STK3: variants seen among roughly 807,000 people sequenced by gnomAD.
The protein encoded by STK3 is serine/threonine-protein kinase 3.
A neutral mutation model predicts 58.0 loss-of-function variants in STK3; 41 were observed. The ratio of observed to expected loss-of-function variants is 0.71; its 90% CI spans 0.55 to 0.92. The LOEUF is 0.92. Ranked by LOEUF, STK3 falls within the 40% of genes least tolerant of loss-of-function variation. STK3 has a pLI of 0.00. For missense variants in STK3, 479 were observed against 602.7 expected (o/e 0.79, Z 2.15); for synonymous variants, 170 against 191.0 (o/e 0.89, Z 0.91).
At chr8:98,580,407 CAA>C (rs1405352718) in intron 7 of STK3, among the ~76,000 whole-genome samples, 1 of 152,016 alleles carries the variant, frequency 6.6e-6, no homozygotes, top group Non-Finnish European at 1.5e-5. Flanking sequence ...ATCATTCTGA[CAA>C]AGAGAAGGAA....
intron 8 of STK3, among the ~76,000 whole-genome samples, chr8:98,564,791 A>G (rs1379439469): frequency 6.6e-6 from 1 of 152,150 alleles, no homozygotes; most frequent in Non-Finnish European, 1.5e-5. Flanking sequence ...CTAAGGAGAC[A>G]TGATGACTAA....
At chr8:98,615,812 GA>G (rs1167088214) in intron 6 of STK3, among the ~76,000 whole-genome samples, 1 of 37,410 alleles carries the variant, frequency 2.7e-5, no homozygotes, top group African/African-American at 1.2e-4. Context: ...GGGACTATGT[GA>G]AAAGACCAAA....
chr8:98,745,751 T>C (rs965995466), intron 4 of STK3, among the ~76,000 whole-genome samples: 3 of 151,956 alleles, frequency 2.0e-5, no homozygotes, highest in Admixed American at 1.3e-4. Context: ...AGCCCTATAA[T>C]GCCAAAGGAC....
At chr8:98,917,443 C>A (rs1839384952) in intron 1 of STK3, among the ~76,000 whole-genome samples, 1 of 152,136 alleles carries the variant, frequency 6.6e-6, no homozygotes, top group Non-Finnish European at 1.5e-5. Context: ...CCCAAAAATT[C>A]ATATCTTTAA....
chr8:98,834,711 A>G (rs1467787488), intron 3 of STK3, among the ~76,000 whole-genome samples: 1 of 152,216 alleles, frequency 6.6e-6, no homozygotes, highest in African/African-American at 2.4e-5. Flanking sequence ...AATTCCATTC[A>G]TGAGGGTAGC....
chr8:98,681,277 G>GT (rs1266260574), intron 6 of STK3, among the ~76,000 whole-genome samples: 3 of 151,698 alleles, frequency 2.0e-5, no homozygotes, highest in Non-Finnish European at 4.4e-5. Flanking sequence ...GATTACAGGC[G>GT]TGAGCCACTG....
intron 1 of STK3, among the ~76,000 whole-genome samples, chr8:98,909,504 C>A (rs947236490): frequency 6.6e-6 from 1 of 152,222 alleles, no homozygotes; most frequent in African/African-American, 2.4e-5. Context: ...ACTACCACCT[C>A]CTTATCTACC....
At chr8:98,674,720 A>G (rs1206932908) in intron 6 of STK3, among the ~76,000 whole-genome samples, 13 of 152,222 alleles carry the variant, frequency 8.5e-5, no homozygotes, top group Admixed American at 7.8e-4. Flanking sequence ...TTCTACTAAT[A>G]TCTCAGAAGA....
chr8:98,487,951 C>T (rs1160146667), intron 10 of STK3, among the ~76,000 whole-genome samples: 2 of 152,194 alleles, frequency 1.3e-5, no homozygotes, highest in Non-Finnish European at 2.9e-5. Flanking sequence ...TTCATGCCTT[C>T]CATTCAACGT....
At chr8:98,394,469 T>G (rs1056905128) in intron 3 of STK3, among the ~76,000 whole-genome samples, 10 of 151,994 alleles carry the variant, frequency 6.6e-5, no homozygotes, top group Non-Finnish European at 1.2e-4. Flanking sequence ...TCCCGTAAGT[T>G]CAGGAATTTG....
At chr8:98,604,943 C>A (rs1816656585) in intron 6 of STK3, among the ~76,000 whole-genome samples, 1 of 152,138 alleles carries the variant, frequency 6.6e-6, no homozygotes, top group African/African-American at 2.4e-5. Context: ...CCACAGATCC[C>A]CAGGGCAGGG....
intron 10 of STK3, among the ~76,000 whole-genome samples, chr8:98,513,108 C>G (rs1316432593): frequency 1.3e-5 from 2 of 152,112 alleles, no homozygotes; most frequent in Non-Finnish European, 2.9e-5. Flanking sequence ...CAGAAGAATG[C>G]TGACTGAAAG....
At chr8:98,366,131 T>G in the STK3 span, among the ~76,000 whole-genome samples, 1 of 152,210 alleles carries the variant, frequency 6.6e-6, no homozygotes, top group African/African-American at 2.4e-5. Context: ...TTTCCCTATA[T>G]TTTCACCAAT....
At chr8:98,679,448 C>G (rs533068487) in intron 6 of STK3, among the ~76,000 whole-genome samples, 4 of 152,164 alleles carry the variant, frequency 2.6e-5, no homozygotes, top group Non-Finnish European at 5.9e-5. Context: ...ACCACTCCAC[C>G]CTACCCTTGA....
chr8:98,917,981 G>A (rs1303993623), intron 1 of STK3, among the ~76,000 whole-genome samples: 1 of 152,172 alleles, frequency 6.6e-6, no homozygotes, highest in Non-Finnish European at 1.5e-5. Flanking sequence ...AACAATAAAG[G>A]TAAGTGTTCA....
In STK3 at chr8:98,776,075, C is replaced by T. The variant is rs141672923; in HGVS notation, c.27-1256G>A. Among the ~76,000 whole-genome samples the T allele has an allele frequency of 8.7e-3, 1,318 of 152,334 alleles. 9 individuals carry two copies. The highest frequency in any genetic ancestry group is 0.03 in the African/African-American group (1,242 of 41,574). On this transcript the variant is annotated intron_variant, in intron 1 of 10. Transcript: ENST00000419617. ...AAGGCCATCACTGATGAAAATCTGACACCAGAACAAGTCTATAATGCTGAT... is the reference window on the plus strand; with the variant it reads ...AAGGCCATCACTGATGAAAATCTGATACCAGAACAAGTCTATAATGCTGAT...
chr8:98,378,899 A>T (rs1817702983), intron 2 of STK3, among the ~76,000 whole-genome samples: 1 of 152,120 alleles, frequency 6.6e-6, no homozygotes. Context: ...GGCCTTTTGC[A>T]ATCCTTTCAA....
chr8:98,462,198 AT>A (rs914557427), intron 10 of STK3, among the ~76,000 whole-genome samples: 1 of 151,524 alleles, frequency 6.6e-6, no homozygotes, highest in Non-Finnish European at 1.5e-5. Flanking sequence ...TTTATTTTTT[AT>A]TTTTTTTGAC....
chr8:98,687,389 C>A (rs559892495), intron 6 of STK3, among the ~76,000 whole-genome samples: 1 of 152,186 alleles, frequency 6.6e-6, no homozygotes, highest in Admixed American at 6.5e-5. Flanking sequence ...AAAGGGTTCA[C>A]GCTCCTAAGA....
Sources: allele counts gnomAD v4.1 joint callset (sites outside exome capture counted in the v4.1 genomes callset), GRCh38; gene constraint gnomAD v4.1.1; transcripts MANE v1.5; gene names NCBI Gene and HGNC (gene_info 2026-07-23, HGNC 2026-07-21).